The following POLN variants were observed in gnomAD, a reference collection of about 807,000 sequenced individuals.
POLN encodes the protein DNA polymerase nu.
In POLN, 108 loss-of-function variants were observed where a neutral mutation model predicts 113.5. The ratio of observed to expected loss-of-function variants is 0.95; its 90% CI spans 0.81 to 1.12. The LOEUF (loss-of-function observed/expected upper bound fraction) is 1.12, where lower values mean the gene tolerates loss of function less well. Ranked by LOEUF, POLN falls within the 50% of genes most tolerant of loss-of-function variation. The pLI, the probability that POLN is intolerant of heterozygous loss-of-function variation, is 0.00. For synonymous variants in POLN, 386 were observed against 391.5 expected (o/e 0.99, Z 0.17); for missense variants, 1,097 against 1,077.1 (o/e 1.02, Z -0.26).
At chr4:2,074,949 G>A (rs925950145) in intron 24 of POLN, among the ~76,000 whole-genome samples, 8 of 152,126 alleles carry the variant, frequency 5.3e-5, no homozygotes, top group African/African-American at 1.7e-4. Context: ...TCTATGGGCC[G>A]TGTAGCTCAG....
intron 25 of POLN, 99 bp downstream of exon 25, chr4:2,072,869 T>G: frequency 7.6e-7 from 1 of 1,312,738 alleles, no homozygotes; most frequent in African/African-American, 1.4e-5. Context: ...ATCTCGGGGC[T>G]GGGGCTGCAC....
intron 6 of POLN, among the ~76,000 whole-genome samples, chr4:2,195,061 T>C (rs1182699032): frequency 1.3e-5 from 2 of 152,118 alleles, no homozygotes; most frequent in South Asian, 2.1e-4. Context: ...AGAGTGTGTA[T>C]GTGAAAGGCC....
chr4:2,202,668 G>T (rs1397944120), intron 5 of POLN, among the ~76,000 whole-genome samples: 1 of 137,894 alleles, frequency 7.3e-6, no homozygotes, highest in Non-Finnish European at 1.5e-5. Flanking sequence ...AGGTTGCAGT[G>T]AGCCAAGACT....
chr4:2,147,643 C>CTTTTTTTTTTTTTTTTTTT (rs747184067), intron 16 of POLN, among the ~76,000 whole-genome samples: 4 of 79,358 alleles, frequency 5.0e-5, no homozygotes, highest in South Asian at 4.6e-4. Context: ...TTTTTCTTTT[C>CTTTTTTTTTTTTTTTTTTT]TTTTTTTTTT....
At chr4:2,086,706 G>A (rs1300490396) in intron 20 of POLN, among the ~76,000 whole-genome samples, 5 of 152,212 alleles carry the variant, frequency 3.3e-5, no homozygotes, top group African/African-American at 1.2e-4. Flanking sequence ...GCCCTGGGGA[G>A]TGCTGTATCC....
intron 7 of POLN, among the ~76,000 whole-genome samples, chr4:2,181,513 A>ATAAAG (rs1415504404): frequency 6.6e-6 from 1 of 152,092 alleles, no homozygotes; most frequent in African/African-American, 2.4e-5. Context: ...ATAAAATAAA[A>ATAAAG]TAAAATTTTA....
chr4:2,241,737 G>A lies in POLN; in HGVS notation c.-230C>T. 5 of 985,496 alleles carry A rather than the reference G, an allele frequency of 5.1e-6. No homozygotes were observed. The highest frequency in any genetic ancestry group is 6.0e-6 in the Non-Finnish European group (5 of 829,950). 61.0% of individuals were successfully genotyped at this position (985,496 alleles called of 1,614,324 possible). A position where few individuals can be genotyped will look rare whatever the true frequency, so the allele number is the denominator to read the frequency against. ...CCCAAGGCCGCGATACACCAGACGC[G>A]CCAGCGGCAAAACCTTCCTTCGGAG... is the stretch of plus-strand genomic sequence containing the variant. On this transcript the variant is annotated 5_prime_UTR_variant, in exon 2 of 26. Transcript: ENST00000511885.
chr4:2,178,845 C>T (rs924168531), intron 8 of POLN, among the ~76,000 whole-genome samples: 4 of 152,140 alleles, frequency 2.6e-5, no homozygotes, highest in Non-Finnish European at 5.9e-5. Context: ...CTCCTGGCCT[C>T]GAGTGATCGG....
At chr4:2,241,394 C>A in intron 2 of POLN, 126 bp downstream of exon 2, 2 of 610,218 alleles carry the variant, frequency 3.3e-6, no homozygotes, top group Non-Finnish European at 4.1e-6. Context: ...GTTTTTAATT[C>A]AAAATAAATG....
intron 2 of POLN, chr4:2,236,188 T>C (rs1251622013): frequency 7.8e-7 from 1 of 1,274,930 alleles, no homozygotes; most frequent in Non-Finnish European, 1.1e-6. Context: ...AACAAGCATT[T>C]TTTTAAAAAG....
At chr4:2,145,415 G>T (rs148060143) in intron 16 of POLN, among the ~76,000 whole-genome samples, 29 of 152,106 alleles carry the variant, frequency 1.9e-4, no homozygotes, top group African/African-American at 7.0e-4. Context: ...GGGCACAAAA[G>T]ACTAGTATTC....
intron 19 of POLN, among the ~76,000 whole-genome samples, chr4:2,118,010 T>C (rs1662848684): frequency 6.6e-6 from 1 of 152,214 alleles, no homozygotes; most frequent in South Asian, 2.1e-4. Context: ...CTCTTACAAA[T>C]GTGAACAGCT....
At chr4:2,079,039 C>T (rs1730342418) in intron 23 of POLN, 5 of 507,536 alleles carry the variant, frequency 9.9e-6, no homozygotes, top group Non-Finnish European at 1.3e-5. Context: ...AGGTGATCCT[C>T]CCACTTCAGC....
At chr4:2,230,498 G>C (rs1734541871) in intron 2 of POLN, 1 of 152,220 alleles carries the variant, frequency 6.6e-6, no homozygotes, top group African/African-American at 2.4e-5. Context: ...TCAGGTGATA[G>C]GGAGCTGATA....
Position 2,176,461 on chromosome 4 carries a change from G to A in POLN, c.1180-127C>T. On this transcript the variant is annotated intron_variant, in intron 8 of 25. Coordinates refer to ENST00000511885, the MANE Select transcript of POLN (RefSeq NM_181808.4). ...TCCCATGAGGTTTTCAATGGCAGATGTCATGTACGTGGTAGTATCACCAAA... is the reference window on the plus strand; with the variant it reads ...TCCCATGAGGTTTTCAATGGCAGATATCATGTACGTGGTAGTATCACCAAA... The A allele has an allele frequency of 4.5e-6, 3 of 673,234 alleles. No homozygotes were observed. The South Asian group carries it at 6.3e-5, about 14-fold the overall frequency. 41.7% of individuals were successfully genotyped at this position (673,234 alleles called of 1,614,324 possible).
At chr4:2,178,912 C>T (rs1161342217) in intron 8 of POLN, among the ~76,000 whole-genome samples, 1 of 152,064 alleles carries the variant, frequency 6.6e-6, no homozygotes, top group Non-Finnish European at 1.5e-5. Flanking sequence ...GCACCCAGCC[C>T]GAGACCCAGG....
intron 7 of POLN, among the ~76,000 whole-genome samples, chr4:2,182,138 G>C (rs888198534): frequency 6.6e-6 from 1 of 152,238 alleles, no homozygotes; most frequent in Non-Finnish European, 1.5e-5. Context: ...ATCAGTGGTT[G>C]ATTGATTTTC....
At chr4:2,232,992 C>T (rs1190375719) in intron 2 of POLN, among the ~76,000 whole-genome samples, 2 of 152,144 alleles carry the variant, frequency 1.3e-5, no homozygotes, top group Non-Finnish European at 2.9e-5. Flanking sequence ...CCCCACTAGA[C>T]TAAATTACTT....
intron 3 of POLN, among the ~76,000 whole-genome samples, chr4:2,221,738 G>C (rs1045301775): frequency 2.0e-5 from 3 of 152,034 alleles, no homozygotes; most frequent in Non-Finnish European, 4.4e-5. Flanking sequence ...ACCATGCTCG[G>C]CTAATATTCG....
Sources: allele counts gnomAD v4.1 joint callset (sites outside exome capture counted in the v4.1 genomes callset), GRCh38; gene constraint gnomAD v4.1.1; transcripts MANE v1.5; gene names NCBI Gene and HGNC (gene_info 2026-07-23, HGNC 2026-07-21).